Variants in SRGAP1 observed in about 807,000 individuals in gnomAD.
The protein encoded by SRGAP1 is SLIT-ROBO Rho GTPase activating protein 1.
SRGAP1 carries 43 observed loss-of-function variants against 121.9 expected under a neutral mutation model. The ratio of observed to expected loss-of-function variants is 0.35; its 90% confidence interval spans 0.28 to 0.46. The LOEUF is 0.46. Among genes scored for constraint, SRGAP1 ranks in the 20% least tolerant of loss-of-function variants. The pLI is 1.00. For synonymous variants in SRGAP1, 447 were observed against 485.4 expected (o/e 0.92, Z 1.04); for missense variants, 1,102 against 1,350.9 (o/e 0.82, Z 2.89).
chr12:64,028,133 A>C (rs781444160), intron 4 of SRGAP1, among the ~76,000 whole-genome samples: 57 of 152,192 alleles, frequency 3.7e-4, no homozygotes, highest in Non-Finnish European at 7.3e-5. Flanking sequence ...ACTGCCAACT[A>C]CTTGAAACTT....
intron 1 of SRGAP1, among the ~76,000 whole-genome samples, chr12:63,930,754 G>GA (rs58418402): frequency 0.023 from 3,400 of 148,286 alleles, 111 homozygotes; most frequent in African/African-American, 0.079. Context: ...ATTGGGATTG[G>GA]AAAAAAAAAA....
At chr12:63,951,209 G>T (rs1307955432) in intron 1 of SRGAP1, among the ~76,000 whole-genome samples, 1 of 121,902 alleles carries the variant, frequency 8.2e-6, no homozygotes, top group African/African-American at 3.3e-5. Context: ...TGTCACCCAG[G>T]CTGGAGTCCA....
chr12:64,161,704 T>A lies in SRGAP1; in HGVS notation c.*19032T>A, dbSNP rs1180466716. The A allele has an allele frequency of 1.3e-5, 2 of 152,214 alleles. No homozygotes were observed. Among genetic ancestry groups the A allele is most frequent in the Admixed American group, 1.3e-4 (2 of 15,290 alleles). 9.4% of individuals were successfully genotyped at this position (152,214 alleles called of 1,614,324 possible). A position where few individuals can be genotyped will look rare whatever the true frequency, so the allele number is the denominator to read the frequency against. On this transcript the variant is annotated 3_prime_UTR_variant, in exon 22 of 22. Coordinates refer to ENST00000355086, the MANE Select transcript of SRGAP1 (RefSeq NM_020762.4). Reference sequence around the variant, plus strand: ...CAGGCTTTCCTAAAATTCCTGGTGATCCTTGGCTATCTGCTCGAATTTAAA... The same window carrying A: ...CAGGCTTTCCTAAAATTCCTGGTGAACCTTGGCTATCTGCTCGAATTTAAA...
intron 15 of SRGAP1, among the ~76,000 whole-genome samples, chr12:64,101,782 GT>G (rs569160173): frequency 6.6e-5 from 10 of 150,656 alleles, no homozygotes; most frequent in Non-Finnish European, 1.3e-4. Flanking sequence ...AGTAATTCAT[GT>G]TTTTTTTTCT....
chr12:64,060,656 A>T (rs1269182197), intron 6 of SRGAP1, among the ~76,000 whole-genome samples: 1 of 152,238 alleles, frequency 6.6e-6, no homozygotes, highest in Non-Finnish European at 1.5e-5. Flanking sequence ...AGAATTAAAT[A>T]GGTTAGTTGT....
At chr12:64,133,795 T>A (rs1275928037) in intron 21 of SRGAP1, among the ~76,000 whole-genome samples, 1 of 152,118 alleles carries the variant, frequency 6.6e-6, no homozygotes, top group Non-Finnish European at 1.5e-5. Context: ...AACCTAGAAG[T>A]TTTCTGCTTG....
chr12:63,874,663 TTA>T (rs1312575544), intron 1 of SRGAP1, among the ~76,000 whole-genome samples: 2 of 152,248 alleles, frequency 1.3e-5, no homozygotes, highest in East Asian at 1.9e-4. Flanking sequence ...AGCTCCTTCT[TTA>T]TGTGTTTATT....
intron 16 of SRGAP1, among the ~76,000 whole-genome samples, chr12:64,109,440 A>G (rs571860312): frequency 1.1e-4 from 16 of 152,332 alleles, no homozygotes; most frequent in African/African-American, 3.8e-4. Context: ...GAAGAAAATC[A>G]TAGATGGGAG....
intron 1 of SRGAP1, chr12:63,879,372 T>C (rs1900122007): frequency 6.6e-6 from 1 of 152,196 alleles, no homozygotes; most frequent in Non-Finnish European, 1.5e-5. Context: ...CTCTGAATTA[T>C]TTGGAGCTGT....
At position 64,108,957 on chromosome 12, in the gene SRGAP1, G is replaced by C; in HGVS notation, c.1839G>C (p.Ala613=). The change falls in exon 16 of 22, where the codon GCG becomes GCC. Residue 613 remains alanine, a synonymous_variant. Transcript: ENST00000355086. ...CIRIDNLYER[A]LHIRKLLLTL... ...GAATAGATAATCTCTATGAGAGGGC[G>C]CTTCACATCCGCAAACTCCTCCTGA... 1 of 1,602,572 alleles carries C rather than the reference G, an allele frequency of 6.2e-7. No homozygotes were observed. The highest frequency in any genetic ancestry group is 1.1e-5 in the South Asian group (1 of 89,254).
intron 1 of SRGAP1, among the ~76,000 whole-genome samples, chr12:63,950,497 A>G (rs1255855198): frequency 2.6e-5 from 4 of 151,722 alleles, no homozygotes. Context: ...TGGCAGGATG[A>G]TGGCTCTAAC....
chr12:64,052,907 C>G (rs1234868989), intron 6 of SRGAP1, among the ~76,000 whole-genome samples: 1 of 152,148 alleles, frequency 6.6e-6, no homozygotes, highest in Non-Finnish European at 1.5e-5. Flanking sequence ...ACAACGTTTT[C>G]ACAATCTTGC....
rs1422961622 is a variant in SRGAP1, at chr12:64,155,044, TTTTC to T, written c.*12376_*12379del. The stretch of plus-strand genomic sequence containing the variant: ...TTGTTAAATATATATATTTTTTTCT[TTTTC>T]TTTTTCTTTTTTTTGAGACAGAGTC... On this transcript the variant is annotated 3_prime_UTR_variant, in exon 22 of 22. Transcript: ENST00000355086. The T allele has an allele frequency of 6.6e-6, 1 of 152,086 alleles. No individual in the cohort carries two copies. Among genetic ancestry groups the T allele is most frequent in the Non-Finnish European group, 1.5e-5 (1 of 68,068 alleles). The allele number at this position is 152,086 out of a possible 1,614,324, so 9.4% of individuals were successfully genotyped here. A position where few individuals can be genotyped will look rare whatever the true frequency, so the allele number is the denominator to read the frequency against.
chr12:64,007,126 A>G (rs1197807344), intron 3 of SRGAP1, among the ~76,000 whole-genome samples: 1 of 152,122 alleles, frequency 6.6e-6, no homozygotes, highest in Non-Finnish European at 1.5e-5. Flanking sequence ...AAATATAAAA[A>G]CTTGTACTTA....
At chr12:63,860,042 G>A (rs1053088264) in intron 1 of SRGAP1, among the ~76,000 whole-genome samples, 4 of 152,072 alleles carry the variant, frequency 2.6e-5, no homozygotes, top group African/African-American at 9.7e-5. Context: ...GTCTAACTGT[G>A]CTGCCCAGGC....
intron 1 of SRGAP1, among the ~76,000 whole-genome samples, chr12:63,948,212 T>C (rs2032113744): frequency 6.6e-6 from 1 of 152,204 alleles, no homozygotes; most frequent in South Asian, 2.1e-4. Context: ...TCTCCTTTAG[T>C]TACCATTATC....
At chr12:63,870,367 G>A (rs1034243997) in intron 1 of SRGAP1, among the ~76,000 whole-genome samples, 3 of 152,028 alleles carry the variant, frequency 2.0e-5, no homozygotes, top group Admixed American at 6.6e-5. Flanking sequence ...ATAAGAAAAG[G>A]TAGTTTGGGG....
At chr12:64,111,008 C>T (rs2036422651) in intron 16 of SRGAP1, among the ~76,000 whole-genome samples, 1 of 152,158 alleles carries the variant, frequency 6.6e-6, no homozygotes, top group Non-Finnish European at 1.5e-5. Flanking sequence ...CATATCTAAA[C>T]TCTCCCTAGA....
At chr12:63,849,254 A>C in intron 1 of SRGAP1, among the ~76,000 whole-genome samples, 1 of 152,190 alleles carries the variant, frequency 6.6e-6, no homozygotes, top group East Asian at 1.9e-4. Context: ...GGATTGAATA[A>C]TTGGCTAGCA....
Sources: gnomAD v4.1 joint callset for allele counts (sites outside exome capture counted in the v4.1 genomes callset) on GRCh38, gnomAD v4.1.1 for gene constraint, MANE v1.5 for transcripts, NCBI Gene and HGNC (gene_info 2026-07-23, HGNC 2026-07-21) for gene names.